PTPRD: variants seen among roughly 807,000 people sequenced by gnomAD.
PTPRD encodes protein tyrosine phosphatase receptor type D.
A neutral mutation model predicts 214.5 loss-of-function variants in PTPRD; 34 were observed. That is an observed-to-expected ratio of 0.16 (90% confidence interval 0.12 to 0.21). The LOEUF is 0.21. Ranked by LOEUF, PTPRD falls within the 10% of genes least tolerant of loss-of-function variation. The pLI is 1.00. For synonymous variants in PTPRD, 1,128 were observed against 845.7 expected (o/e 1.33, Z -5.79); for missense variants, 2,545 against 2,398.7 (o/e 1.06, Z -1.27).
intron 5 of PTPRD, among the ~76,000 whole-genome samples, chr9:9,843,036 G>A (rs1020829407): frequency 5.3e-5 from 8 of 152,034 alleles, no homozygotes; most frequent in African/African-American, 1.9e-4. Context: ...TCTAACACTT[G>A]TGTTCATAAA....
intron 3 of PTPRD, among the ~76,000 whole-genome samples, chr9:10,060,008 C>T (rs925688808): frequency 6.6e-6 from 1 of 151,906 alleles, no homozygotes; most frequent in South Asian, 2.1e-4. Context: ...TGACTATCAA[C>T]CAATGAAAAA....
chr9:10,588,921 T>G (rs547084149), intron 2 of PTPRD, among the ~76,000 whole-genome samples: 97 of 152,196 alleles, frequency 6.4e-4, no homozygotes, highest in African/African-American at 2.3e-3. Flanking sequence ...TTTTACTTGG[T>G]CTATTTCTCT....
intron 3 of PTPRD, among the ~76,000 whole-genome samples, chr9:10,106,366 G>C (rs2098632818): frequency 6.6e-6 from 1 of 151,836 alleles, no homozygotes; most frequent in African/African-American, 2.4e-5. Flanking sequence ...ATTCATTACA[G>C]GCTGAGGTTT....
chr9:9,657,915 G>A (rs1344674706), intron 7 of PTPRD, among the ~76,000 whole-genome samples: 1 of 152,174 alleles, frequency 6.6e-6, no homozygotes. Context: ...CTAAAGAGAG[G>A]ATGGGTCCCA....
chr9:10,354,864 G>A (rs2097247973), intron 2 of PTPRD, among the ~76,000 whole-genome samples: 1 of 152,094 alleles, frequency 6.6e-6, no homozygotes, highest in South Asian at 2.1e-4. Context: ...TGTGTGTCTA[G>A]TACATATCAT....
intron 11 of PTPRD, among the ~76,000 whole-genome samples, chr9:8,819,400 C>T (rs747596442): frequency 1.3e-5 from 2 of 152,058 alleles, no homozygotes; most frequent in African/African-American, 2.4e-5. Context: ...CAGTGGCTCA[C>T]ACCTGTAATC....
At chr9:9,007,555 T>C (rs924487390) in intron 11 of PTPRD, among the ~76,000 whole-genome samples, 1 of 151,984 alleles carries the variant, frequency 6.6e-6, no homozygotes, top group Non-Finnish European at 1.5e-5. Flanking sequence ...TATTTCTTTC[T>C]AATCACTCCA....
intron 10 of PTPRD, among the ~76,000 whole-genome samples, chr9:9,177,539 T>G (rs1379026941): frequency 6.6e-6 from 1 of 152,170 alleles, no homozygotes; most frequent in Non-Finnish European, 1.5e-5. Flanking sequence ...TCTTAAAATT[T>G]GTTTTTTGTC....
intron 3 of PTPRD, among the ~76,000 whole-genome samples, chr9:10,223,402 C>T (rs1036182749): frequency 6.6e-6 from 1 of 151,952 alleles, no homozygotes; most frequent in Non-Finnish European, 1.5e-5. Flanking sequence ...TGGTGGCTCA[C>T]ACCTGTAATC....
intron 3 of PTPRD, among the ~76,000 whole-genome samples, chr9:10,076,800 T>C (rs1468128593): frequency 6.6e-6 from 1 of 152,182 alleles, no homozygotes; most frequent in Non-Finnish European, 1.5e-5. Flanking sequence ...TCCAATCTTA[T>C]ATCCTTCCTC....
intron 10 of PTPRD, among the ~76,000 whole-genome samples, chr9:9,113,022 G>C (rs920370087): frequency 2.0e-5 from 3 of 151,220 alleles, no homozygotes; most frequent in African/African-American, 7.3e-5. Flanking sequence ...TTCAGTGCAG[G>C]GGCTCAATTA....
At chr9:9,073,419 T>C (rs1364742080) in intron 10 of PTPRD, among the ~76,000 whole-genome samples, 4 of 152,210 alleles carry the variant, frequency 2.6e-5, no homozygotes, top group Non-Finnish European at 5.9e-5. Context: ...GGCTAGATCA[T>C]GGTACTCAGT....
At chr9:9,796,268 C>T (rs1598091376) in intron 5 of PTPRD, among the ~76,000 whole-genome samples, 2 of 152,116 alleles carry the variant, frequency 1.3e-5, no homozygotes, top group East Asian at 3.9e-4. Flanking sequence ...GCTAATACTT[C>T]TTAATCCAGT....
chr9:10,156,350 G>A (rs2099093547), intron 3 of PTPRD, among the ~76,000 whole-genome samples: 2 of 152,052 alleles, frequency 1.3e-5, no homozygotes, highest in African/African-American at 4.8e-5. Flanking sequence ...TCTCTCATGA[G>A]TTTCAAAGAA....
intron 2 of PTPRD, among the ~76,000 whole-genome samples, chr9:10,451,909 T>C (rs900223226): frequency 5.3e-5 from 8 of 151,980 alleles, no homozygotes; most frequent in Admixed American, 1.3e-4. Context: ...AAGGTATTAT[T>C]TTCGAATTAA....
At chr9:10,295,483 C>T (rs2095647889) in intron 3 of PTPRD, among the ~76,000 whole-genome samples, 1 of 152,000 alleles carries the variant, frequency 6.6e-6, no homozygotes, top group Admixed American at 6.6e-5. Context: ...AAATCAGTCC[C>T]AGCTCCACCA....
chr9:9,350,900 T>C (rs1405303346), intron 9 of PTPRD, among the ~76,000 whole-genome samples: 1 of 151,986 alleles, frequency 6.6e-6, no homozygotes, highest in Non-Finnish European at 1.5e-5. Flanking sequence ...TTTCTGAGAG[T>C]GTCCAGTTGT....
intron 39 of PTPRD, among the ~76,000 whole-genome samples, chr9:8,375,493 T>G (rs2082963123): frequency 6.6e-6 from 1 of 152,084 alleles, no homozygotes; most frequent in Non-Finnish European, 1.5e-5. Flanking sequence ...AGCAATAAGA[T>G]AGTCTCCCTA....
intron 9 of PTPRD, among the ~76,000 whole-genome samples, chr9:9,226,559 T>A (rs190491216): frequency 6.6e-6 from 1 of 151,976 alleles, no homozygotes; most frequent in East Asian, 2.0e-4. Flanking sequence ...GTTAAAAATA[T>A]AAAAATGTGG....
Sources: allele counts gnomAD v4.1 joint callset (sites outside exome capture counted in the v4.1 genomes callset), GRCh38; gene constraint gnomAD v4.1.1; transcripts MANE v1.5; gene names NCBI Gene and HGNC (gene_info 2026-07-23, HGNC 2026-07-21).